THSD4: variants seen among roughly 807,000 people sequenced by gnomAD.
THSD4 encodes the protein thrombospondin type-1 domain-containing protein 4.
A neutral mutation model predicts 119.0 loss-of-function variants in THSD4; 69 were observed. That is an observed-to-expected ratio of 0.58 (90% CI 0.48 to 0.71). The LOEUF (loss-of-function observed/expected upper bound fraction) is 0.71. THSD4 is among the 30% of genes least tolerant of loss of function. The pLI, the probability that THSD4 is intolerant of heterozygous loss-of-function variation, is 0.00. For missense variants in THSD4, 1,393 were observed against 1,391.1 expected, an observed-to-expected ratio of 1.00 and a Z score of -0.02; for synonymous variants, 524 against 540.4, an observed-to-expected ratio of 0.97 and a Z score of 0.42.
intron 7 of THSD4, among the ~76,000 whole-genome samples, chr15:71,435,914 A>G (rs993406088): frequency 6.6e-6 from 1 of 152,226 alleles, no homozygotes; most frequent in Non-Finnish European, 1.5e-5. Flanking sequence ...ACAGCTTGGC[A>G]CATTTGGGGA....
chr15:71,508,064 G>T (rs532901181), intron 7 of THSD4, among the ~76,000 whole-genome samples: 2 of 152,338 alleles, frequency 1.3e-5, no homozygotes, highest in South Asian at 4.1e-4. Flanking sequence ...AGATGCTTAT[G>T]TGAGTTATGA....
chr15:71,473,552 A>G (rs987344698), intron 7 of THSD4, among the ~76,000 whole-genome samples: 14 of 152,184 alleles, frequency 9.2e-5, no homozygotes, highest in African/African-American at 3.1e-4. Flanking sequence ...AACAGCCTGA[A>G]CACTAATGCC....
chr15:71,761,986 A>G (rs1475664297), intron 15 of THSD4, among the ~76,000 whole-genome samples: 1 of 152,184 alleles, frequency 6.6e-6, no homozygotes, highest in Non-Finnish European at 1.5e-5. Flanking sequence ...CCTGAAGCAC[A>G]TGAGTTTTGC....
intron 7 of THSD4, among the ~76,000 whole-genome samples, chr15:71,536,583 ATTTG>A (rs1421387071): frequency 6.6e-6 from 1 of 152,108 alleles, no homozygotes; most frequent in African/African-American, 2.4e-5. Flanking sequence ...TCTATGATTT[ATTTG>A]TTTAATGGAC....
intron 4 of THSD4, among the ~76,000 whole-genome samples, chr15:71,237,564 T>C (rs1226336611): frequency 6.6e-6 from 1 of 152,108 alleles, no homozygotes; most frequent in Admixed American, 6.6e-5. Context: ...TGGGAGCTTG[T>C]TACAAATGAA....
chr15:71,274,306 G>A (rs1290915282), intron 6 of THSD4, among the ~76,000 whole-genome samples: 1 of 152,220 alleles, frequency 6.6e-6, no homozygotes, highest in Non-Finnish European at 1.5e-5. Context: ...TGGGGGAATT[G>A]TTGAAATTGA....
At chr15:71,290,875 CTTTTT>C (rs11438956) in intron 6 of THSD4, among the ~76,000 whole-genome samples, 1 of 129,476 alleles carries the variant, frequency 7.7e-6, no homozygotes. Flanking sequence ...TCCTTTTTTC[CTTTTT>C]TTTTTTTTTT....
rs189354981 is a variant in THSD4 at position 71,385,045 on chromosome 15, C to T, written c.1016-26642C>T. Among the ~76,000 whole-genome samples, 6 of 152,338 alleles carry T rather than the reference C, an allele frequency of 3.9e-5. No individual in the cohort carries two copies. The East Asian group carries it at 9.6e-4, about 24-fold the overall frequency. On this transcript the variant is annotated intron_variant, in intron 6 of 17. Coordinates refer to ENST00000261862, the MANE Select transcript of THSD4 (RefSeq NM_024817.3). ...CACCCCCTTCAGTAATTGCCATTTA[C>T]TGCCAGTTTCCCTTTGATTCTGTCA...
At chr15:71,326,303 C>T (rs763087970) in intron 6 of THSD4, among the ~76,000 whole-genome samples, 8 of 152,016 alleles carry the variant, frequency 5.3e-5, no homozygotes, top group Non-Finnish European at 1.0e-4. Flanking sequence ...ATGTCAGTAA[C>T]AACCAGAGTG....
intron 4 of THSD4, among the ~76,000 whole-genome samples, chr15:71,228,494 C>T (rs995563849): frequency 1.1e-4 from 17 of 152,194 alleles, no homozygotes; most frequent in African/African-American, 4.1e-4. Context: ...GTTTGTGGTA[C>T]CCTGTTACAG....
At chr15:71,261,918 T>C (rs1207926578) in intron 6 of THSD4, among the ~76,000 whole-genome samples, 1 of 152,220 alleles carries the variant, frequency 6.6e-6, no homozygotes, top group Non-Finnish European at 1.5e-5. Context: ...TTTGGCTTTG[T>C]TTAAATAATT....
intron 17 of THSD4, among the ~76,000 whole-genome samples, chr15:71,773,709 C>T (rs2053864310): frequency 6.6e-6 from 1 of 152,214 alleles, no homozygotes; most frequent in Admixed American, 6.5e-5. Context: ...CTGCTGATAG[C>T]AAGAATCTGT....
chr15:71,698,448 A>G (rs1360762142), intron 8 of THSD4, among the ~76,000 whole-genome samples: 1 of 151,764 alleles, frequency 6.6e-6, no homozygotes, highest in Non-Finnish European at 1.5e-5. Context: ...GAAAAATAAA[A>G]CTACCATCTG....
rs573314495 is a variant in THSD4 at position 71,315,319 on chromosome 15, G to T, written c.1015+58604G>T. On this transcript the variant is annotated intron_variant, in intron 6 of 17. Transcript: ENST00000261862. ...CTGTATCCTTCTTGCCCAAAACCTG[G>T]ACTTTTAATTGTCCACAGACCCCCT... Among the ~76,000 whole-genome samples the T allele has an allele frequency of 3.3e-5, 5 of 152,322 alleles. No homozygotes were observed. In the East Asian group the frequency reaches 9.6e-4, roughly 29 times the overall value.
intron 6 of THSD4, among the ~76,000 whole-genome samples, chr15:71,307,597 A>G (rs185946203): frequency 6.9e-4 from 105 of 152,160 alleles, no homozygotes; most frequent in Middle Eastern, 6.8e-3. Context: ...TGGTGAAACC[A>G]GTCTCTACTA....
At chr15:71,451,957 C>A (rs536123727) in intron 7 of THSD4, among the ~76,000 whole-genome samples, 2 of 152,150 alleles carry the variant, frequency 1.3e-5, no homozygotes, top group Non-Finnish European at 1.5e-5. Context: ...CACAGGGAGG[C>A]GACTCTTGGT....
chr15:71,459,324 A>ATCTCTCTCTCTCTGTCTCTCTCTCTCTC (rs2047386685), intron 7 of THSD4, among the ~76,000 whole-genome samples: 3 of 101,202 alleles, frequency 3.0e-5, no homozygotes, highest in South Asian at 3.6e-4. Flanking sequence ...ATGCCCAACT[A>ATCTCTCTCTCTCTGTCTCTCTCTCTCTC]TCTCTCTCTC....
At chr15:71,413,405 A>C (rs946541975) in intron 7 of THSD4, among the ~76,000 whole-genome samples, 5 of 152,150 alleles carry the variant, frequency 3.3e-5, no homozygotes, top group African/African-American at 1.2e-4. Flanking sequence ...TATTCATTCT[A>C]ACTGTATTTT....
intron 7 of THSD4, among the ~76,000 whole-genome samples, chr15:71,602,572 AAAAAAAAATG>A (rs1567057583): frequency 6.8e-6 from 1 of 147,572 alleles, no homozygotes; most frequent in African/African-American, 2.6e-5. Flanking sequence ...AAAAAAAAAA[AAAAAAAAATG>A]AAAAAGAAAA....
Sources: gnomAD v4.1 joint callset for allele counts (sites outside exome capture counted in the v4.1 genomes callset) on GRCh38, gnomAD v4.1.1 for gene constraint, MANE v1.5 for transcripts, NCBI Gene and HGNC (gene_info 2026-07-23, HGNC 2026-07-21) for gene names.